MOB3B: variants seen among roughly 807,000 people sequenced by gnomAD.
The protein encoded by MOB3B is MOB kinase activator-like 2B.
MOB3B carries 7 observed loss-of-function variants against 18.7 expected under a neutral mutation model. The observed-to-expected ratio is 0.37, with a 90% CI of 0.21 to 0.70. MOB3B has a LOEUF of 0.70. MOB3B is among the 30% of genes least tolerant of loss of function. The probability of loss-of-function intolerance (pLI) is 0.52; values close to 1 mark genes in which losing one functional copy is unlikely to be tolerated. For missense variants in MOB3B, 253 were observed against 281.3 expected (o/e 0.90, Z 0.72); for synonymous variants, 111 against 99.9 (o/e 1.11, Z -0.66).
At chr9:27,480,828 T>A (rs1462101210) in intron 1 of MOB3B, among the ~76,000 whole-genome samples, 2 of 151,850 alleles carry the variant, frequency 1.3e-5, no homozygotes, top group Non-Finnish European at 2.9e-5. Flanking sequence ...AAAGAAGGAA[T>A]TTTAAGGATG....
chr9:27,371,145 T>A (rs1821409996), intron 2 of MOB3B, among the ~76,000 whole-genome samples: 2 of 152,194 alleles, frequency 1.3e-5, no homozygotes, highest in African/African-American at 4.8e-5. Flanking sequence ...AAGTTTGCAA[T>A]AAGCCAGATT....
chr9:27,486,724 C>T (rs1434636672), intron 1 of MOB3B, among the ~76,000 whole-genome samples: 1 of 152,100 alleles, frequency 6.6e-6, no homozygotes, highest in Admixed American at 6.5e-5. Flanking sequence ...AGAAGTGGTG[C>T]TTTAAGAATT....
intron 2 of MOB3B, among the ~76,000 whole-genome samples, chr9:27,367,349 T>C (rs1233914137): frequency 6.6e-6 from 1 of 152,204 alleles, no homozygotes; most frequent in East Asian, 1.9e-4. Flanking sequence ...GCAAATACGA[T>C]TGACACAGCT....
intron 3 of MOB3B, among the ~76,000 whole-genome samples, chr9:27,336,079 A>G (rs796615348): frequency 3.4e-4 from 52 of 152,356 alleles, no homozygotes; most frequent in African/African-American, 1.2e-3. Context: ...GAAGGCACTT[A>G]GACTTACCTT....
chr9:27,391,424 A>C (rs1038568287), intron 2 of MOB3B, among the ~76,000 whole-genome samples: 8 of 152,336 alleles, frequency 5.3e-5, no homozygotes, highest in African/African-American at 1.9e-4. Flanking sequence ...TGTGTCCTGG[A>C]TAAACTGATT....
intron 3 of MOB3B, among the ~76,000 whole-genome samples, chr9:27,337,069 A>G (rs1820875668): frequency 6.6e-6 from 1 of 152,130 alleles, no homozygotes; most frequent in Admixed American, 6.5e-5. Flanking sequence ...CGTCAGCCCC[A>G]TCTCCACTCA....
intron 2 of MOB3B, among the ~76,000 whole-genome samples, chr9:27,405,240 T>C (rs1326833176): frequency 6.6e-6 from 1 of 151,492 alleles, no homozygotes; most frequent in Admixed American, 6.6e-5. Flanking sequence ...CCTGAGTAGC[T>C]GGGATTACAG....
chr9:27,524,280 A>T (rs56087834), intron 1 of MOB3B: 50,677 of 1,538,028 alleles, frequency 0.033, 1,380 homozygotes, highest in African/African-American at 0.13. Flanking sequence ...CATGAAGGAA[A>T]ACTCAAAACA....
chr9:27,359,316 C>G (rs1821238647), intron 2 of MOB3B, 80 bp from the exon 3 acceptor site: 1 of 1,294,050 alleles, frequency 7.7e-7, no homozygotes, highest in African/African-American at 1.5e-5. Context: ...TGAAAACTGT[C>G]TGAGGGCAAT....
At chr9:27,339,378 G>A (rs552842539) in intron 3 of MOB3B, among the ~76,000 whole-genome samples, 4 of 152,326 alleles carry the variant, frequency 2.6e-5, no homozygotes, top group East Asian at 1.9e-4. Context: ...GGCTTTATTG[G>A]TATAAATAAC....
chr9:27,401,109 G>A (rs1411816764), intron 2 of MOB3B, among the ~76,000 whole-genome samples: 1 of 152,188 alleles, frequency 6.6e-6, no homozygotes, highest in East Asian at 1.9e-4. Flanking sequence ...ATGGAACCGG[G>A]CCAGGGAACT....
chr9:27,347,252 G>C (rs1821041052), intron 3 of MOB3B, among the ~76,000 whole-genome samples: 1 of 152,230 alleles, frequency 6.6e-6, no homozygotes, highest in Non-Finnish European at 1.5e-5. Flanking sequence ...GCTTCACCCA[G>C]CAAATTATAG....
intron 3 of MOB3B, among the ~76,000 whole-genome samples, chr9:27,357,781 G>A (rs1821212746): frequency 6.6e-6 from 1 of 151,086 alleles, no homozygotes; most frequent in South Asian, 2.1e-4. Flanking sequence ...GCCAGGCATG[G>A]TGGCTCACAC....
At chr9:27,483,465 C>T (rs967418761) in intron 1 of MOB3B, among the ~76,000 whole-genome samples, 10 of 152,152 alleles carry the variant, frequency 6.6e-5, no homozygotes, top group Non-Finnish European at 1.5e-4. Flanking sequence ...TTAAATCTAA[C>T]AAATTTCAAT....
chr9:27,495,055 C>T (rs1372697513), intron 1 of MOB3B, among the ~76,000 whole-genome samples: 1 of 152,134 alleles, frequency 6.6e-6, no homozygotes, highest in African/African-American at 2.4e-5. Flanking sequence ...ATGGGCCAGG[C>T]AAGGTGGCTC....
intron 2 of MOB3B, among the ~76,000 whole-genome samples, chr9:27,371,816 T>A (rs1821419972): frequency 6.6e-6 from 1 of 152,076 alleles, no homozygotes; most frequent in Non-Finnish European, 1.5e-5. Context: ...ACCTTCTGTT[T>A]TTTTTCAAGA....
chr9:27,513,779 A>G (rs181927813), intron 1 of MOB3B, among the ~76,000 whole-genome samples: 185 of 152,180 alleles, frequency 1.2e-3, no homozygotes, highest in African/African-American at 4.3e-3. Flanking sequence ...TAATTTTGTT[A>G]TTGTTTGAAG....
intron 3 of MOB3B, among the ~76,000 whole-genome samples, chr9:27,343,077 T>C (rs974904788): frequency 6.6e-6 from 1 of 152,002 alleles, no homozygotes; most frequent in Non-Finnish European, 1.5e-5. Context: ...AGATTGTTAC[T>C]GTGTCGGTGT....
chr9:27,400,035 G>A (rs80188293), intron 2 of MOB3B, among the ~76,000 whole-genome samples: 4,777 of 152,146 alleles, frequency 0.031, 215 homozygotes, highest in African/African-American at 0.11. Flanking sequence ...TTCTCCCCTG[G>A]AAATTACAGC....
Sources: gnomAD v4.1 joint callset for allele counts (sites outside exome capture counted in the v4.1 genomes callset) on GRCh38, gnomAD v4.1.1 for gene constraint, MANE v1.5 for transcripts, NCBI Gene and HGNC (gene_info 2026-07-23, HGNC 2026-07-21) for gene names.